ECE2: variants seen among roughly 807,000 people sequenced by gnomAD.
ECE2 encodes endothelin converting enzyme 2.
A neutral mutation model predicts 100.6 loss-of-function variants in ECE2; 81 were observed. That is an observed-to-expected ratio of 0.81 (90% CI 0.67 to 0.97). The LOEUF is 0.97. Among genes scored for constraint, ECE2 ranks in the 50% least tolerant of loss-of-function variants. The probability of loss-of-function intolerance (pLI) is 0.00; values close to 1 mark genes in which losing one functional copy is unlikely to be tolerated. For missense variants in ECE2, 911 were observed against 988.1 expected (o/e 0.92, Z 1.05); for synonymous variants, 391 against 391.5 (o/e 1.00, Z 0.02).
At chr3:184,282,360 C>A (rs543670580) in intron 7 of ECE2, among the ~76,000 whole-genome samples, 1 of 149,174 alleles carries the variant, frequency 6.7e-6, no homozygotes, top group Non-Finnish European at 1.5e-5. Flanking sequence ...TCTAAAACTT[C>A]TTGGTAAGTA....
At chr3:184,280,527 G>T (rs1045111136) in intron 7 of ECE2, among the ~76,000 whole-genome samples, 1 of 152,156 alleles carries the variant, frequency 6.6e-6, no homozygotes, top group Non-Finnish European at 1.5e-5. Context: ...AAGCGTGAAA[G>T]GACCCAGAGG....
At chr3:184,276,663 C>T (rs1720566502) in intron 2 of ECE2, 96 bp downstream of exon 2, 1 of 1,565,128 alleles carries the variant, frequency 6.4e-7, no homozygotes, top group South Asian at 1.2e-5. Flanking sequence ...GGGTCACCTG[C>T]CCCCACCTCC....
Position 184,292,246 on chromosome 3 carries a change from T to G in ECE2, c.*8T>G. The G allele has an allele frequency of 6.2e-7, 1 of 1,613,660 alleles. No individual in the cohort carries two copies. On this transcript the variant is annotated 3_prime_UTR_variant, in exon 19 of 19. Transcript: ENST00000404464. ...CTGTGTGAGGTGTGGTAGACCTGGA[T>G]CAGGGGAGAAATGGCCAGCTGTCAC... is the stretch of plus-strand genomic sequence containing the variant.
rs776608419 is a variant in ECE2, at chr3:184,287,999, G to A, written c.1374+52G>A. On this transcript the variant is annotated intron_variant, in intron 11 of 18. Transcript: ENST00000404464. ...TATGCCCTCAAAATTGACTGTTCAT[G>A]TATGTGCAGACATATAGAAAAACAA... The A allele has an allele frequency of 1.0e-5, 16 of 1,543,772 alleles. No individual in the cohort carries two copies. In the South Asian group the frequency reaches 1.8e-4, roughly 17 times the overall value.
At chr3:184,276,410 C>T (rs1720550254) in intron 1 of ECE2, 71 bp from the exon 2 acceptor site, 1 of 1,540,596 alleles carries the variant, frequency 6.5e-7, no homozygotes, top group African/African-American at 1.4e-5. Flanking sequence ...AGGCAGGGAG[C>T]ACTGGGGCAG....
chr3:184,277,174 T>C (rs746471406), intron 3 of ECE2, 77 bp from the exon 4 acceptor site: 1 of 1,604,710 alleles, frequency 6.2e-7, no homozygotes, highest in Non-Finnish European at 8.5e-7. Flanking sequence ...CCTGCTGTCA[T>C]GGCCCTTGCA....
Position 184,277,414 on chromosome 3 carries a change from C to T in ECE2, c.426C>T (p.Asn142=). The T allele has an allele frequency of 6.2e-7, 1 of 1,614,258 alleles. No homozygotes were observed. Among genetic ancestry groups the T allele is most frequent in the Non-Finnish European group, 8.5e-7 (1 of 1,180,046 alleles). ...NPLPDGRSRW[N]TFNSLWDQNQ... ...TGCCCGATGGGCGTTCTCGCTGGAA[C>T]ACCTTCAACAGCCTCTGGGACCAAA... Residue 142 remains asparagine (N), a synonymous_variant, in exon 4 of 19, where the codon AAC becomes AAT. Transcript: ENST00000404464.
intron 10 of ECE2, among the ~76,000 whole-genome samples, chr3:184,286,237 T>G (rs1721031851): frequency 6.6e-6 from 1 of 152,048 alleles, no homozygotes; most frequent in Non-Finnish European, 1.5e-5. Context: ...AGGAGCATGG[T>G]GGCTTTACAC....
rs1720922485 is a variant in ECE2 at position 184,283,969 on chromosome 3, T to C, written c.1001T>C (p.Leu334Pro). 2.5e-6 allele frequency: 4 copies of C among 1,613,632 alleles called. No homozygotes were observed. The highest frequency in any genetic ancestry group is 3.4e-6 in the Non-Finnish European group (4 of 1,179,892). Residue 334 changes from leucine to proline, a missense_variant, in exon 8 of 19, where the codon CTG becomes CCG. Transcript: ENST00000404464. ...TACCACAAGATGAGCATTTCGGAGC[T>C]GCAGGTGGGGCAGGCAGGGGGCTGG... is the stretch of plus-strand genomic sequence containing the variant. ...KIYHKMSISELQALAPSMDWL... is the reference protein window; with the variant it reads ...KIYHKMSISEPQALAPSMDWL...
chr3:184,290,652 C>T lies in ECE2; in HGVS notation c.1751C>T (p.Ala584Val). 1 of 1,614,076 alleles carries T rather than the reference C, an allele frequency of 6.2e-7. No individual in the cohort carries two copies. Residue 584 changes from alanine to valine, a missense_variant, in exon 15 of 19, where the codon GCC becomes GTC. Transcript: ENST00000404464. ...PAGILQAPFY[A>V]RNHPKALNFG... ...GGCATCCTGCAGGCCCCCTTCTATG[C>T]CCGCAACCACCCCAAGTGTGTCTGA...
Position 184,292,194 on chromosome 3 carries a change from G to A in ECE2, c.2254G>A (p.Val752Ile), listed in dbSNP as rs1372252153. ...RDFLRHFGCP[V>I]GSPMNPGQLC... ...CTTCCTGCGGCACTTCGGCTGCCCTGTCGGCTCCCCCATGAACCCAGGGCA... is the reference window on the plus strand; with the variant it reads ...CTTCCTGCGGCACTTCGGCTGCCCTATCGGCTCCCCCATGAACCCAGGGCA... The change falls in exon 19 of 19, where the codon GTC (valine) becomes ATC (isoleucine). Residue 752 changes from valine (V) to isoleucine (I), a missense_variant. Val to Ile is a conservative substitution (Grantham distance 29). Transcript: ENST00000404464. 6.2e-7 allele frequency: 1 copy of A among 1,614,130 alleles called. No homozygotes were observed. The highest frequency in any genetic ancestry group is 2.2e-5 in the East Asian group (1 of 44,880).
Position 184,292,873 on chromosome 3 carries a change from C to T in ECE2, c.*635C>T, listed in dbSNP as rs1476406639. ...GTACTGGTTCCTGTGTCTTAGGGCACAAGCCTTAGCAAATGATTGATTCTC... is the reference window on the plus strand; with the variant it reads ...GTACTGGTTCCTGTGTCTTAGGGCATAAGCCTTAGCAAATGATTGATTCTC... On this transcript the variant is annotated 3_prime_UTR_variant, in exon 19 of 19. Coordinates refer to ENST00000404464, the MANE Select transcript of ECE2 (RefSeq NM_001100121.2). 1 of 152,566 alleles carries T rather than the reference C, an allele frequency of 6.6e-6. No homozygotes were observed. Among genetic ancestry groups the T allele is most frequent in the Non-Finnish European group, 1.5e-5 (1 of 68,288 alleles). The allele number at this position is 152,566 out of a possible 1,614,324, so 9.5% of individuals were successfully genotyped here. A position where few individuals can be genotyped will look rare whatever the true frequency, so the allele number is the denominator to read the frequency against.
rs76939864 is a variant in ECE2 at position 184,278,307 on chromosome 3, T to C, written c.744T>C (p.Val248=). The C allele has an allele frequency of 2.0e-3, 3,256 of 1,613,942 alleles. 54 individuals are homozygous for C. In the African/African-American group the frequency reaches 0.039, roughly 20 times the overall value. ...ACTCTAAGAGTTCCAACAGCAATGT[T>C]ATCCAGGTGATGAGCTGGGAAAGGG... The part of the protein sequence containing the change: ...SADSKSSNSN[V]IQVDQSGLFL... The change falls in exon 6 of 19, where the codon GTT becomes GTC. Residue 248 remains valine (V), a synonymous_variant. Coordinates refer to ENST00000404464, the MANE Select transcript of ECE2 (RefSeq NM_001100121.2).
rs1687233 is a variant in ECE2, at chr3:184,285,206, C to G, written c.1148+101C>G. The G allele has an allele frequency of 6.9e-6, 10 of 1,450,712 alleles. No individual in the cohort carries two copies. In the African/African-American group the frequency reaches 1.1e-4, roughly 17 times the overall value. The allele number at this position is 1,450,712 out of a possible 1,614,324, so 89.9% of individuals were successfully genotyped here. A position where few individuals can be genotyped will look rare whatever the true frequency, so the allele number is the denominator to read the frequency against. ...CCACACAGAACAACATTTGGTAATG[C>G]TATGGGCCTTCCAAACATTGAATCA... On this transcript the variant is annotated intron_variant, in intron 9 of 18. Transcript: ENST00000404464.
Position 184,292,246 on chromosome 3 carries a change from T to C in ECE2, c.*8T>C, listed in dbSNP as rs764599090. ...CTGTGTGAGGTGTGGTAGACCTGGA[T>C]CAGGGGAGAAATGGCCAGCTGTCAC... On this transcript the variant is annotated 3_prime_UTR_variant, in exon 19 of 19. Transcript: ENST00000404464. 1.5e-5 allele frequency: 25 copies of C among 1,613,660 alleles called. No individual in the cohort carries two copies. The South Asian group carries it at 2.7e-4, about 18-fold the overall frequency.
chr3:184,278,126 G>A, intron 5 of ECE2, 41 bp from the exon 6 acceptor site: 2 of 1,613,434 alleles, frequency 1.2e-6, no homozygotes, highest in South Asian at 2.2e-5. Flanking sequence ...AACGCTTTGG[G>A]AGCTCCTGCA....
In ECE2 at chr3:184,279,985, A is replaced by G. The variant is rs561707003; in HGVS notation, c.816+1428A>G. Among the ~76,000 whole-genome samples, 3 of 172 alleles carry G rather than the reference A, an allele frequency of 0.017. No individual in the cohort carries two copies. In the East Asian group the frequency reaches 0.38, roughly 21 times the overall value. 0.1% of individuals were successfully genotyped at this position (172 alleles called of 152,430 possible). On this transcript the variant is annotated intron_variant, in intron 7 of 18. Transcript: ENST00000404464. The stretch of plus-strand genomic sequence containing the variant: ...CGTGCTCTGAGTCAGGAAGGTCCCA[A>G]ATGAAAGAGTGGCAGAAGGAATGGT...
chr3:184,285,617 C>T (rs758606477), intron 10 of ECE2, 25 bp downstream of exon 10: 16 of 1,529,234 alleles, frequency 1.0e-5, no homozygotes, highest in South Asian at 5.6e-5. Flanking sequence ...TTTGCCTCCA[C>T]GTTCTGATCC....
At position 184,277,977 on chromosome 3, in the gene ECE2, C is replaced by T. The variant is rs1364449431; in HGVS notation, c.531C>T (p.Phe177=). The change falls in exon 5 of 19, where the codon TTC becomes TTT. Residue 177 remains phenylalanine (F), a synonymous_variant. Coordinates refer to ENST00000404464, the MANE Select transcript of ECE2 (RefSeq NM_001100121.2). ...AAGCTGAGCAGAAGACACAGCGCTT[C>T]TACCTATCTTGCCTACAGGTGGAGC... ...SSEAEQKTQR[F]YLSCLQVERI... is the part of the protein sequence containing the mutation. 2 of 1,613,740 alleles carry T rather than the reference C, an allele frequency of 1.2e-6. No individual in the cohort carries two copies. Among genetic ancestry groups the T allele is most frequent in the Non-Finnish European group, 1.7e-6 (2 of 1,180,048 alleles).
Sources: allele counts gnomAD v4.1 joint callset (sites outside exome capture counted in the v4.1 genomes callset), GRCh38; gene constraint gnomAD v4.1.1; transcripts MANE v1.5; gene names NCBI Gene and HGNC (gene_info 2026-07-23, HGNC 2026-07-21).